Variants in MAN1A2 observed in about 807,000 individuals in gnomAD.
MAN1A2 encodes mannosyl-oligosaccharide 1,2-alpha-mannosidase IB.
In MAN1A2, 26 loss-of-function variants were observed where a neutral mutation model predicts 75.7. The ratio of observed to expected loss-of-function variants is 0.34; its 90% CI spans 0.25 to 0.48. The LOEUF (loss-of-function observed/expected upper bound fraction) is 0.48. Among genes scored for constraint, MAN1A2 ranks in the 20% least tolerant of loss-of-function variants. MAN1A2 has a pLI of 0.99. For missense variants in MAN1A2, 562 were observed against 775.5 expected (o/e 0.72, Z 3.27); for synonymous variants, 247 against 264.6 (o/e 0.93, Z 0.65).
At chr1:117,481,989 A>G (rs970569720) in intron 8 of MAN1A2, among the ~76,000 whole-genome samples, 4 of 151,964 alleles carry the variant, frequency 2.6e-5, no homozygotes, top group Non-Finnish European at 5.9e-5. Flanking sequence ...TGCCCTATAT[A>G]TTGGTGACAT....
chr1:117,401,950 C>T (rs2101753444), intron 1 of MAN1A2, among the ~76,000 whole-genome samples: 1 of 152,164 alleles, frequency 6.6e-6, no homozygotes, highest in African/African-American at 2.4e-5. Flanking sequence ...TATCTTTGCT[C>T]TTAGTCTGGA....
At chr1:117,409,101 G>A (rs1168359496) in intron 3 of MAN1A2, among the ~76,000 whole-genome samples, 1 of 151,856 alleles carries the variant, frequency 6.6e-6, no homozygotes, top group Non-Finnish European at 1.5e-5. Context: ...ATTGATCTTT[G>A]TAATATTTTC....
At chr1:117,379,151 G>T (rs1653250423) in intron 1 of MAN1A2, among the ~76,000 whole-genome samples, 1 of 151,886 alleles carries the variant, frequency 6.6e-6, no homozygotes, top group Admixed American at 6.5e-5. Context: ...TCTACTTGTT[G>T]ATTTTTGTGT....
chr1:117,394,204 C>T (rs561257168), intron 1 of MAN1A2, among the ~76,000 whole-genome samples: 3 of 152,086 alleles, frequency 2.0e-5, no homozygotes, highest in East Asian at 3.9e-4. Flanking sequence ...GCCTCAGCCT[C>T]CTGAGTAGCT....
chr1:117,522,985 C>T lies in MAN1A2; in HGVS notation c.*28C>T, dbSNP rs767493744. ...GCAGTTCCAGAAGGACCATTCTCAC[C>T]TGTGTTTTGTTTACATGGACCACTA... On this transcript the variant is annotated 3_prime_UTR_variant, in exon 13 of 13. Coordinates refer to ENST00000356554, the MANE Select transcript of MAN1A2 (RefSeq NM_006699.5). 1 of 1,608,326 alleles carries T rather than the reference C, an allele frequency of 6.2e-7. No individual in the cohort carries two copies. The highest frequency in any genetic ancestry group is 1.7e-4 in the Middle Eastern group (1 of 6,028).
chr1:117,375,210 T>G (rs1270905087), intron 1 of MAN1A2, among the ~76,000 whole-genome samples: 2 of 152,192 alleles, frequency 1.3e-5, no homozygotes, highest in Non-Finnish European at 2.9e-5. Flanking sequence ...CTCAGACCCT[T>G]TGAAGGCTCT....
chr1:117,512,974 T>TA (rs1454794351), intron 12 of MAN1A2, among the ~76,000 whole-genome samples: 1 of 152,156 alleles, frequency 6.6e-6, no homozygotes, highest in African/African-American at 2.4e-5. Flanking sequence ...TTAGTCTTTT[T>TA]AAAAAAACTT....
chr1:117,381,725 G>A (rs1653346388), intron 1 of MAN1A2, among the ~76,000 whole-genome samples: 1 of 151,672 alleles, frequency 6.6e-6, no homozygotes, highest in African/African-American at 2.4e-5. Flanking sequence ...TGGGTCAAAT[G>A]GTATTTCTAG....
At chr1:117,455,451 A>G (rs1649548855) in intron 6 of MAN1A2, among the ~76,000 whole-genome samples, 1 of 152,116 alleles carries the variant, frequency 6.6e-6, no homozygotes, top group African/African-American at 2.4e-5. Flanking sequence ...AACCCATTGA[A>G]TGGTGTACCT....
At position 117,398,644 on chromosome 1, in the gene MAN1A2, A is replaced by T. The variant is rs375075641; in HGVS notation, c.303-3542A>T. 2.2e-4 allele frequency among the ~76,000 whole-genome samples: 34 copies of T among 151,660 alleles called. 2 individuals are homozygous for T. In the South Asian group the frequency reaches 6.5e-3, roughly 29 times the overall value. On this transcript the variant is annotated intron_variant, in intron 1 of 12. Coordinates refer to ENST00000356554, the MANE Select transcript of MAN1A2 (RefSeq NM_006699.5). Reference sequence around the variant, plus strand: ...AGCCGAGATCGTGCCACTGCACTACAGCCTGGGTGACAGAGGGAGACTCTA... The same window carrying T: ...AGCCGAGATCGTGCCACTGCACTACTGCCTGGGTGACAGAGGGAGACTCTA...
intron 5 of MAN1A2, among the ~76,000 whole-genome samples, chr1:117,435,722 C>A (rs1168620553): frequency 1.3e-5 from 2 of 152,078 alleles, no homozygotes; most frequent in African/African-American, 4.8e-5. Context: ...TTTATTTTTT[C>A]TATTTTTGAA....
intron 8 of MAN1A2, among the ~76,000 whole-genome samples, chr1:117,481,321 A>T (rs1006765768): frequency 7.0e-5 from 10 of 143,728 alleles, no homozygotes; most frequent in Admixed American, 2.8e-4. Context: ...AAGCCTATTT[A>T]AAAAAAAAAA....
At chr1:117,473,784 G>A (rs564573115) in intron 8 of MAN1A2, among the ~76,000 whole-genome samples, 16 of 152,030 alleles carry the variant, frequency 1.1e-4, no homozygotes, top group East Asian at 7.8e-4. Context: ...CGTGATAGGC[G>A]GAAGTACAGA....
intron 6 of MAN1A2, among the ~76,000 whole-genome samples, chr1:117,458,079 T>C (rs1340023471): frequency 6.6e-6 from 1 of 152,214 alleles, no homozygotes; most frequent in Non-Finnish European, 1.5e-5. Context: ...GCCTTTTTTG[T>C]AACTCACTTT....
At chr1:117,416,502 G>A (rs1647997976) in intron 4 of MAN1A2, among the ~76,000 whole-genome samples, 1 of 152,146 alleles carries the variant, frequency 6.6e-6, no homozygotes, top group Non-Finnish European at 1.5e-5. Context: ...TCATTGACAG[G>A]ACAGCTTTAT....
chr1:117,512,255 G>C lies in MAN1A2; in HGVS notation c.1793+9285G>C, dbSNP rs147046796. Reference sequence around the variant, plus strand: ...TTTTCAGTAGAGAGTCAAAGGTCCAGATGCCCACATAAAGGAGAAAAGCAG... The same window carrying C: ...TTTTCAGTAGAGAGTCAAAGGTCCACATGCCCACATAAAGGAGAAAAGCAG... On this transcript the variant is annotated intron_variant, in intron 12 of 12. Transcript: ENST00000356554. 7.2e-4 allele frequency among the ~76,000 whole-genome samples: 109 copies of C among 152,208 alleles called. 1 individual carries two copies. Among genetic ancestry groups the C allele is most frequent in the African/African-American group, 2.6e-3 (108 of 41,540 alleles).
chr1:117,399,387 A>C lies in MAN1A2; in HGVS notation c.303-2799A>C, dbSNP rs17037245. On this transcript the variant is annotated intron_variant, in intron 1 of 12. Coordinates refer to ENST00000356554, the MANE Select transcript of MAN1A2 (RefSeq NM_006699.5). ...ATGGAAAGCTTGTTTTCCTGGGGCA[A>C]TCTCCCCATTTGTCATCAGGACAGA... Among the ~76,000 whole-genome samples, 1,115 of 152,160 alleles carry C rather than the reference A, an allele frequency of 7.3e-3. 18 individuals are homozygous for C. Among genetic ancestry groups the C allele is most frequent in the African/African-American group, 0.026 (1,067 of 41,506 alleles).
At chr1:117,426,317 AGG>A (rs1286138105) in intron 5 of MAN1A2, among the ~76,000 whole-genome samples, 1 of 151,896 alleles carries the variant, frequency 6.6e-6, no homozygotes, top group Non-Finnish European at 1.5e-5. Flanking sequence ...GTTGGGCTGC[AGG>A]GGTATGAGTA....
chr1:117,479,688 A>G (rs978665947), intron 8 of MAN1A2, among the ~76,000 whole-genome samples: 6 of 151,876 alleles, frequency 4.0e-5, no homozygotes, highest in African/African-American at 1.5e-4. Context: ...CATTTCTCTA[A>G]TGATCAGTGA....
Sources: allele counts gnomAD v4.1 joint callset (sites outside exome capture counted in the v4.1 genomes callset), GRCh38; gene constraint gnomAD v4.1.1; transcripts MANE v1.5; gene names NCBI Gene and HGNC (gene_info 2026-07-23, HGNC 2026-07-21).